The following ADHFE1 variants were observed in gnomAD, a reference collection of about 807,000 sequenced individuals.
ADHFE1 encodes the protein alcohol dehydrogenase iron containing 1.
A neutral mutation model predicts 54.8 loss-of-function variants in ADHFE1; 37 were observed. The observed-to-expected ratio is 0.68, with a 90% CI of 0.52 to 0.89. ADHFE1 has a LOEUF of 0.89. Ranked by LOEUF, ADHFE1 falls within the 40% of genes least tolerant of loss-of-function variation. The pLI, the probability that ADHFE1 is intolerant of heterozygous loss-of-function variation, is 0.00. For missense variants in ADHFE1, 601 were observed against 591.2 expected (o/e 1.02, Z -0.17); for synonymous variants, 203 against 229.3 (o/e 0.89, Z 1.04).
At chr8:66,446,620 TACAG>T (rs1806040557) in intron 6 of ADHFE1, among the ~76,000 whole-genome samples, 1 of 152,158 alleles carries the variant, frequency 6.6e-6, no homozygotes, top group East Asian at 1.9e-4. Flanking sequence ...TGTATGTTAA[TACAG>T]ACAGACACCA....
rs745411087 is a variant in ADHFE1 at position 66,452,104 on chromosome 8, AG to A, written c.887+1del. ...GCGGATCGTGGCTAAGTATCTGAAG[AG>A]GTATGTCACCCCGAAGGGGATAGAA... The part of the protein sequence containing the change: ...ALRIVAKYLK[R>X]AVRNPDDLEA... On this transcript the variant is annotated frameshift_variant and splice_region_variant, in exon 9 of 14. Transcript: ENST00000396623. LOFTEE classifies it high-confidence loss of function. 2.2e-5 allele frequency: 36 copies of A among 1,613,914 alleles called. No individual in the cohort carries two copies. The highest frequency in any genetic ancestry group is 1.1e-4 in the East Asian group (5 of 44,894).
At position 66,468,202 on chromosome 8, in the gene ADHFE1, T is replaced by C. The variant is rs187276958; in HGVS notation, c.1321-67T>C. 147 of 1,246,262 alleles carry C rather than the reference T, an allele frequency of 1.2e-4. 1 individual carries two copies. The East Asian group carries it at 3.2e-3, about 28-fold the overall frequency. 77.2% of individuals were successfully genotyped at this position (1,246,262 alleles called of 1,614,324 possible). A position where few individuals can be genotyped will look rare whatever the true frequency, so the allele number is the denominator to read the frequency against. On this transcript the variant is annotated intron_variant, in intron 13 of 13. Transcript: ENST00000396623. ...ATTCTTATGACCAAGTTAATTTCCA[T>C]AACTTTGTAGCTTTTACAAACTGCC...
intron 12 of ADHFE1, among the ~76,000 whole-genome samples, chr8:66,459,114 T>A (rs893582830): frequency 6.6e-6 from 1 of 152,172 alleles, no homozygotes; most frequent in Non-Finnish European, 1.5e-5. Flanking sequence ...TGCTTCAATA[T>A]GGAGGTGAAA....
chr8:66,461,432 C>T (rs1806893842), intron 13 of ADHFE1, among the ~76,000 whole-genome samples: 1 of 152,110 alleles, frequency 6.6e-6, no homozygotes, highest in Non-Finnish European at 1.5e-5. Flanking sequence ...TCACCCCACT[C>T]CAAGTAGGCA....
intron 12 of ADHFE1, among the ~76,000 whole-genome samples, chr8:66,458,327 G>T (rs1266861374): frequency 6.6e-6 from 1 of 152,152 alleles, no homozygotes; most frequent in Admixed American, 6.5e-5. Flanking sequence ...AGGAGCTCCC[G>T]CTGAGTCCCA....
At chr8:66,458,516 A>G (rs373591727) in intron 12 of ADHFE1, among the ~76,000 whole-genome samples, 36 of 152,342 alleles carry the variant, frequency 2.4e-4, no homozygotes, top group African/African-American at 8.4e-4. Context: ...CTTTGTGTAT[A>G]TTCAAAGCAT....
chr8:66,453,991 G>A, intron 9 of ADHFE1, 68 bp from the exon 10 acceptor site: 4 of 1,575,812 alleles, frequency 2.5e-6, no homozygotes, highest in Middle Eastern at 3.4e-4. Flanking sequence ...TTTCCCTAAG[G>A]CAGCTCCTTA....
rs1586450893 is a variant in ADHFE1, at chr8:66,444,665, G to T, written c.270G>T (p.Val90=). The change falls in exon 5 of 14, where the codon GTG becomes GTT. Residue 90 remains valine, a synonymous_variant. Coordinates refer to ENST00000396623, the MANE Select transcript of ADHFE1 (RefSeq NM_144650.3). ...TDKNLSKLPP[V]QVAMDSLVKN... ...AGAACCTCTCCAAGCTCCCTCCTGT[G>T]CAAGTAGCTATGGATTCCCTAGTGA... is the stretch of plus-strand genomic sequence containing the variant. 1.9e-6 allele frequency: 3 copies of T among 1,614,210 alleles called. No homozygotes were observed. The East Asian group carries it at 6.7e-5, about 36-fold the overall frequency.
At chr8:66,468,212 G>C in intron 13 of ADHFE1, 57 bp from the exon 14 acceptor site, 1 of 1,349,574 alleles carries the variant, frequency 7.4e-7, no homozygotes, top group Non-Finnish European at 1.0e-6. Flanking sequence ...TAACTTTGTA[G>C]CTTTTACAAA....
In ADHFE1 at chr8:66,439,848, A is replaced by AC. The variant is rs1012179111; in HGVS notation, c.60-309dup. ...AGCTGGGGCTTCATGGAGACCAGAG[A>AC]CCCCCATCTTAAACTTGCATGTACC... On this transcript the variant is annotated intron_variant, in intron 1 of 13. Transcript: ENST00000396623. This position sits in a 1 kb window ranked among gnomAD's most constrained non-coding sequence, Gnocchi z 4.4. 4.0e-6 allele frequency: 4 copies of AC among 1,008,744 alleles called. No homozygotes were observed. In the African/African-American group the frequency reaches 5.0e-5, roughly 13 times the overall value. The allele number at this position is 1,008,744 out of a possible 1,614,324, so 62.5% of individuals were successfully genotyped here.
At chr8:66,443,741 T>G (rs539666043) in intron 3 of ADHFE1, among the ~76,000 whole-genome samples, 2 of 152,274 alleles carry the variant, frequency 1.3e-5, no homozygotes, top group South Asian at 4.1e-4. Flanking sequence ...CATTCCCAGT[T>G]TGCTGGATTA....
chr8:66,436,583 C>T (rs1805478155), intron 1 of ADHFE1, among the ~76,000 whole-genome samples: 1 of 152,066 alleles, frequency 6.6e-6, no homozygotes, highest in Admixed American at 6.5e-5. Context: ...CTCAGTCTCC[C>T]ATAGGGAAAA....
At chr8:66,457,581 T>G (rs1806655522) in intron 12 of ADHFE1, among the ~76,000 whole-genome samples, 1 of 151,922 alleles carries the variant, frequency 6.6e-6, no homozygotes, top group Non-Finnish European at 1.5e-5. Context: ...TCCTAACACT[T>G]TGGGAGGCTG....
chr8:66,438,685 G>T (rs746149), intron 1 of ADHFE1, among the ~76,000 whole-genome samples: 1 of 151,976 alleles, frequency 6.6e-6, no homozygotes, highest in Non-Finnish European at 1.5e-5. Flanking sequence ...CCCGCCAGAG[G>T]GGGTAGGAGG....
intron 10 of ADHFE1, among the ~76,000 whole-genome samples, chr8:66,455,041 C>T (rs1806505581): frequency 6.6e-6 from 1 of 152,184 alleles, no homozygotes; most frequent in African/African-American, 2.4e-5. Flanking sequence ...GTAGACTTCC[C>T]CATTCTAGAC....
chr8:66,453,785 A>G (rs977955182), intron 9 of ADHFE1: 64 of 1,419,444 alleles, frequency 4.5e-5, no homozygotes, highest in Non-Finnish European at 5.6e-5. Context: ...CTCGCCATCC[A>G]GGGACCAGCG....
At chr8:66,442,309 C>CTTTTTT (rs1028439051) in intron 2 of ADHFE1, among the ~76,000 whole-genome samples, 2 of 133,798 alleles carry the variant, frequency 1.5e-5, no homozygotes, top group South Asian at 2.4e-4. Context: ...TACATTCTAT[C>CTTTTTT]TTTTTTTTTT....
intron 13 of ADHFE1, among the ~76,000 whole-genome samples, chr8:66,467,965 TTGAC>T (rs1185148168): frequency 6.6e-6 from 1 of 152,176 alleles, no homozygotes; most frequent in African/African-American, 2.4e-5. Context: ...GCAGAGGTGG[TTGAC>T]TGACCTAGTT....
At position 66,468,514 on chromosome 8, in the gene ADHFE1, T is replaced by G. The variant is rs1266283609; in HGVS notation, c.*162T>G. On this transcript the variant is annotated 3_prime_UTR_variant, in exon 14 of 14. Transcript: ENST00000396623. ...GCAGGAAATTCCCCAAAGCTCAGAG[T>G]CCAGTTCCTTCCATAAAACAGGCTG... 2.1e-6 allele frequency: 1 copy of G among 470,848 alleles called. No homozygotes were observed. Among genetic ancestry groups the G allele is most frequent in the Admixed American group, 4.3e-5 (1 of 23,050 alleles). The allele number at this position is 470,848 out of a possible 1,614,324, so 29.2% of individuals were successfully genotyped here.
Sources: allele counts gnomAD v4.1 joint callset (sites outside exome capture counted in the v4.1 genomes callset), GRCh38; gene constraint gnomAD v4.1.1; non-coding constraint Gnocchi (gnomAD v3.1); transcripts MANE v1.5; gene names NCBI Gene and HGNC (gene_info 2026-07-23, HGNC 2026-07-21).